Variants in MMP26 observed in about 807,000 individuals in gnomAD.
The protein encoded by MMP26 is matrix metallopeptidase 26.
In MMP26, 33 loss-of-function variants were observed where a neutral mutation model predicts 31.0. The ratio of observed to expected loss-of-function variants is 1.06; its 90% CI spans 0.81 to 1.42. The LOEUF (loss-of-function observed/expected upper bound fraction) is 1.42, where lower values mean the gene tolerates loss of function less well. Ranked by LOEUF, MMP26 falls within the 40% of genes most tolerant of loss-of-function variation. The pLI, the probability that MMP26 is intolerant of heterozygous loss-of-function variation, is 0.00. For missense variants in MMP26, 347 were observed against 316.1 expected (o/e 1.10, Z -0.74); for synonymous variants, 122 against 114.9 (o/e 1.06, Z -0.40).
intron 4 of MMP26, among the ~76,000 whole-genome samples, chr11:4,990,194 A>T (rs1316814714): frequency 6.6e-6 from 1 of 152,166 alleles, no homozygotes; most frequent in Non-Finnish European, 1.5e-5. Context: ...TCTGTTGGGG[A>T]TTCTAAATAT....
At chr11:4,737,498 C>G (rs1848256346) in intron 1 of MMP26, among the ~76,000 whole-genome samples, 1 of 152,168 alleles carries the variant, frequency 6.6e-6, no homozygotes, top group Admixed American at 6.5e-5. Context: ...ACAAAATTAG[C>G]CTGGCGTGGT....
chr11:4,794,935 G>A (rs1452880816), intron 2 of MMP26: 1 of 152,222 alleles, frequency 6.6e-6, no homozygotes, highest in Non-Finnish European at 1.5e-5. Context: ...AGGGTGAGGT[G>A]GAAAGCAGAT....
chr11:4,798,166 AGACT>A (rs779734829), intron 2 of MMP26, among the ~76,000 whole-genome samples: 1 of 152,238 alleles, frequency 6.6e-6, no homozygotes, highest in African/African-American at 2.4e-5. Context: ...TGGAAACCAA[AGACT>A]GACAGTCCAG....
chr11:4,780,486 T>TC (rs34675797), intron 2 of MMP26, among the ~76,000 whole-genome samples: 14,425 of 152,256 alleles, frequency 0.095, 857 homozygotes, highest in Middle Eastern at 0.15. Context: ...AAGTAATTGT[T>TC]AAAAGTTTAA....
intron 1 of MMP26, among the ~76,000 whole-genome samples, chr11:4,760,707 G>A (rs953266800): frequency 6.6e-6 from 1 of 152,150 alleles, no homozygotes; most frequent in Non-Finnish European, 1.5e-5. Flanking sequence ...ATCCAGGACT[G>A]TTTGACCCAA....
intron 1 of MMP26, among the ~76,000 whole-genome samples, chr11:4,708,156 A>G (rs940013304): frequency 6.6e-6 from 1 of 152,166 alleles, no homozygotes; most frequent in Admixed American, 6.5e-5. Flanking sequence ...TCGTATGTAA[A>G]GTCACAGGTG....
intron 2 of MMP26, among the ~76,000 whole-genome samples, chr11:4,831,196 C>G (rs1849641545): frequency 6.6e-6 from 1 of 152,172 alleles, no homozygotes; most frequent in Non-Finnish European, 1.5e-5. Context: ...CCAAGATGTG[C>G]TCAGAGACTT....
chr11:4,764,932 G>A (rs1396773971), intron 1 of MMP26, among the ~76,000 whole-genome samples: 1 of 151,842 alleles, frequency 6.6e-6, no homozygotes, highest in East Asian at 1.9e-4. Context: ...TATCCTTTAT[G>A]CTGAAACTCC....
chr11:4,971,140 C>G (rs1846660642), intron 2 of MMP26, among the ~76,000 whole-genome samples: 1 of 151,988 alleles, frequency 6.6e-6, no homozygotes. Flanking sequence ...GAACACATAC[C>G]CCAAAAGTTG....
intron 2 of MMP26, among the ~76,000 whole-genome samples, chr11:4,863,917 CTT>C (rs1325989250): frequency 6.6e-6 from 1 of 151,600 alleles, no homozygotes; most frequent in Non-Finnish European, 1.5e-5. Context: ...TTTGCATAGT[CTT>C]AGGTGTGAAC....
intron 2 of MMP26, among the ~76,000 whole-genome samples, chr11:4,772,022 T>C (rs1443020392): frequency 1.3e-5 from 2 of 152,156 alleles, no homozygotes; most frequent in Non-Finnish European, 2.9e-5. Flanking sequence ...TGAGGAAGGA[T>C]AGACTACAGT....
chr11:4,945,661 T>C (rs759339034), intron 2 of MMP26: 3 of 169,582 alleles, frequency 1.8e-5, no homozygotes, highest in African/African-American at 4.8e-5. Flanking sequence ...AAACTATCTA[T>C]TGGGTACTAT....
chr11:4,916,777 T>A (rs1851100048), intron 2 of MMP26, among the ~76,000 whole-genome samples: 1 of 152,148 alleles, frequency 6.6e-6, no homozygotes. Context: ...CTCCTGTCAA[T>A]CAGTAACCAG....
intron 2 of MMP26, among the ~76,000 whole-genome samples, chr11:4,823,368 T>C (rs1257659916): frequency 3.3e-5 from 5 of 152,178 alleles, no homozygotes; most frequent in Admixed American, 3.3e-4. Flanking sequence ...TCCATGTATA[T>C]CCACAGACTT....
rs891760661 is a variant in MMP26, at chr11:4,949,541, A to G, written c.-144-38527A>G. Among the ~76,000 whole-genome samples the G allele has an allele frequency of 1.6e-5, 2 of 123,364 alleles. 1 individual carries two copies. The highest frequency in any genetic ancestry group is 3.7e-5 in the Non-Finnish European group (2 of 54,542). 80.9% of individuals were successfully genotyped at this position (123,364 alleles called of 152,430 possible). On this transcript the variant is annotated intron_variant, in intron 2 of 7. Coordinates refer to ENST00000380390, the MANE Select transcript of MMP26 (RefSeq NM_021801.5). ...AATAGTGAAGGGGGGCAAATCATAC[A>G]GATGAGATACAGCTAAAGCAGTTCC...
At chr11:4,866,088 A>G (rs1262176287) in intron 2 of MMP26, among the ~76,000 whole-genome samples, 2 of 152,120 alleles carry the variant, frequency 1.3e-5, no homozygotes, top group South Asian at 4.1e-4. Flanking sequence ...TTTCTGCCTC[A>G]ATATTGGCAT....
At chr11:4,740,083 A>G (rs1296755945) in intron 1 of MMP26, among the ~76,000 whole-genome samples, 3 of 151,612 alleles carry the variant, frequency 2.0e-5, no homozygotes, top group Admixed American at 1.3e-4. Context: ...CATTAACTGC[A>G]TATTTGACGG....
intron 2 of MMP26, among the ~76,000 whole-genome samples, chr11:4,872,799 A>G (rs1300534883): frequency 1.3e-5 from 2 of 152,058 alleles, no homozygotes; most frequent in African/African-American, 4.8e-5. Flanking sequence ...ATACTTCTGA[A>G]GCTACAGAAG....
At chr11:4,863,311 A>G (rs921683930) in intron 2 of MMP26, among the ~76,000 whole-genome samples, 1 of 151,422 alleles carries the variant, frequency 6.6e-6, no homozygotes, top group Non-Finnish European at 1.5e-5. Flanking sequence ...TCCTTTCTCT[A>G]TCTCCCAATG....
Sources: gnomAD v4.1 joint callset for allele counts (sites outside exome capture counted in the v4.1 genomes callset) on GRCh38, gnomAD v4.1.1 for gene constraint, MANE v1.5 for transcripts, NCBI Gene and HGNC (gene_info 2026-07-23, HGNC 2026-07-21) for gene names.